The following PTPN9 variants were observed in gnomAD, a reference collection of about 807,000 sequenced individuals.
The protein encoded by PTPN9 is tyrosine-protein phosphatase non-receptor type 9.
In PTPN9, 26 loss-of-function variants were observed where a neutral mutation model predicts 69.8. The observed-to-expected ratio is 0.37, with a 90% CI of 0.27 to 0.52. The LOEUF is 0.52. PTPN9 is among the 20% of genes least tolerant of loss of function. The pLI, the probability that PTPN9 is intolerant of heterozygous loss-of-function variation, is 0.91. For missense variants in PTPN9, 549 were observed against 740.3 expected, an observed-to-expected ratio of 0.74 and a Z score of 3.00; for synonymous variants, 274 against 272.5, an observed-to-expected ratio of 1.01 and a Z score of -0.05.
intron 1 of PTPN9, among the ~76,000 whole-genome samples, chr15:75,570,545 G>A (rs1456436572): frequency 1.3e-5 from 2 of 152,018 alleles, no homozygotes; most frequent in Non-Finnish European, 2.9e-5. Flanking sequence ...CGAGGCAGGA[G>A]GATTGCTTGA....
intron 7 of PTPN9, 92 bp downstream of exon 7, chr15:75,505,583 T>G (rs2074814763): frequency 1.1e-6 from 1 of 932,160 alleles, no homozygotes; most frequent in Admixed American, 2.0e-5. Flanking sequence ...GAAGGGTCTC[T>G]GCTAAGCAAG....
At chr15:75,551,388 C>A (rs1231879654) in intron 1 of PTPN9, among the ~76,000 whole-genome samples, 3 of 152,188 alleles carry the variant, frequency 2.0e-5, no homozygotes, top group African/African-American at 7.2e-5. Context: ...CGGAGTCTCG[C>A]TCTGTCACCC....
rs1488265332 is a variant in PTPN9 at position 75,463,664 on chromosome 15, T to A, written c.*5105A>T. On this transcript the variant is annotated 3_prime_UTR_variant, in exon 13 of 13. Transcript: ENST00000618819. Reference sequence around the variant, plus strand: ...TTGTAACAGGTTTCAAGGTGCTAGATTTTTTTTCCCCCAAGAAAACATCTC... The same window carrying A: ...TTGTAACAGGTTTCAAGGTGCTAGAATTTTTTTCCCCCAAGAAAACATCTC... 6.6e-6 allele frequency: 1 copy of A among 152,048 alleles called. No homozygotes were observed. Among genetic ancestry groups the A allele is most frequent in the Non-Finnish European group, 1.5e-5 (1 of 68,014 alleles). The allele number at this position is 152,048 out of a possible 1,614,324, so 9.4% of individuals were successfully genotyped here.
intron 5 of PTPN9, among the ~76,000 whole-genome samples, chr15:75,515,220 G>A (rs1273471867): frequency 6.6e-6 from 1 of 151,866 alleles, no homozygotes; most frequent in Non-Finnish European, 1.5e-5. Context: ...AAGGTGAGGA[G>A]ATCGAGACCA....
At chr15:75,573,448 A>G (rs987894335) in intron 1 of PTPN9, among the ~76,000 whole-genome samples, 2 of 152,226 alleles carry the variant, frequency 1.3e-5, no homozygotes, top group African/African-American at 4.8e-5. Context: ...CAAAGTTACA[A>G]ATGAGGATTT....
intron 5 of PTPN9, among the ~76,000 whole-genome samples, chr15:75,509,818 T>C (rs1260229074): frequency 6.6e-6 from 1 of 152,046 alleles, no homozygotes; most frequent in Non-Finnish European, 1.5e-5. Context: ...ACCCCATCTC[T>C]ACTAAAAATA....
intron 1 of PTPN9, among the ~76,000 whole-genome samples, chr15:75,540,508 G>A (rs1386640881): frequency 1.4e-5 from 2 of 145,922 alleles, no homozygotes; most frequent in East Asian, 4.1e-4. Context: ...AGCTGAGATC[G>A]CACCAGCCTG....
At chr15:75,567,018 CTTTTTTTTT>C (rs1328027375) in intron 1 of PTPN9, among the ~76,000 whole-genome samples, 8 of 137,806 alleles carry the variant, frequency 5.8e-5, no homozygotes, top group Admixed American at 1.5e-4. Context: ...CATTTTTTTT[CTTTTTTTTT>C]TTTTTTCAGA....
chr15:75,505,900 A>C lies in PTPN9; in HGVS notation c.743T>G (p.Phe248Cys). 6.2e-7 allele frequency: 1 copy of C among 1,614,086 alleles called. No individual in the cohort carries two copies. Among genetic ancestry groups the C allele is most frequent in the Non-Finnish European group, 8.5e-7 (1 of 1,179,996 alleles). ...YVKIDLATWNFQFLPQVNGHP... is the reference protein window; with the variant it reads ...YVKIDLATWNCQFLPQVNGHP... ...GCCGTTCACCTGGGGTAGGAACTGG[A>C]AATTCCAAGTGGCGAGATCAATTTT... Residue 248 changes from phenylalanine (F) to cysteine (C), a missense_variant, in exon 7 of 13, where the codon TTC becomes TGC. Phe to Cys is a radical substitution (Grantham distance 205). Around this residue, in one of 3 missense-constraint regions of PTPN9, gnomAD observed 457 missense variants for 661.9 expected, o/e 0.69. Transcript: ENST00000618819.
chr15:75,555,720 G>C (rs1262906444), intron 1 of PTPN9, among the ~76,000 whole-genome samples: 2 of 151,898 alleles, frequency 1.3e-5, no homozygotes, highest in African/African-American at 4.8e-5. Flanking sequence ...GGCCAGGCTG[G>C]TCTCGAACTA....
chr15:75,569,174 C>T (rs1450176881), intron 1 of PTPN9, among the ~76,000 whole-genome samples: 1 of 152,086 alleles, frequency 6.6e-6, no homozygotes, highest in Non-Finnish European at 1.5e-5. Context: ...AGTGAAATGG[C>T]TGATATTACA....
chr15:75,528,321 A>G (rs1223740358), intron 1 of PTPN9, among the ~76,000 whole-genome samples: 3 of 151,886 alleles, frequency 2.0e-5, no homozygotes, highest in Non-Finnish European at 4.4e-5. Flanking sequence ...CATTATAACC[A>G]ATTTCCTTTT....
intron 8 of PTPN9, among the ~76,000 whole-genome samples, chr15:75,486,055 G>A (rs370649689): frequency 3.6e-5 from 5 of 139,378 alleles, no homozygotes; most frequent in East Asian, 4.4e-4. Flanking sequence ...AGCCGAGATC[G>A]CACCACTGCA....
chr15:75,473,888 T>C, intron 9 of PTPN9, 121 bp from the exon 10 acceptor site: 1 of 711,052 alleles, frequency 1.4e-6, no homozygotes, highest in South Asian at 1.7e-5. Context: ...TCCCTGCTCA[T>C]CTTTCCACAT....
intron 1 of PTPN9, among the ~76,000 whole-genome samples, chr15:75,566,898 G>A (rs1053803093): frequency 1.4e-4 from 21 of 152,222 alleles, no homozygotes; most frequent in African/African-American, 4.8e-4. Flanking sequence ...GCTGAAGTGG[G>A]AGCATCGCTT....
At chr15:75,562,602 C>T (rs1026654682) in intron 1 of PTPN9, among the ~76,000 whole-genome samples, 16 of 152,092 alleles carry the variant, frequency 1.1e-4, no homozygotes, top group African/African-American at 2.7e-4. Context: ...GAGGCCGAGG[C>T]GGGTGGATCA....
rs2074544900 is a variant in PTPN9, at chr15:75,468,138, C to T, written c.*631G>A. On this transcript the variant is annotated 3_prime_UTR_variant, in exon 13 of 13. Coordinates refer to ENST00000618819, the MANE Select transcript of PTPN9 (RefSeq NM_002833.4). ...CTGCAACACGGAGCCCCAGGAACTT[C>T]TGGAAAGGAGTATCGTGTGTATATG... The T allele has an allele frequency of 6.6e-6, 1 of 152,628 alleles. No homozygotes were observed. The highest frequency in any genetic ancestry group is 2.4e-5 in the African/African-American group (1 of 41,416). 9.5% of individuals were successfully genotyped at this position (152,628 alleles called of 1,614,324 possible). A position where few individuals can be genotyped will look rare whatever the true frequency, so the allele number is the denominator to read the frequency against.
intron 4 of PTPN9, 71 bp from the exon 5 acceptor site, chr15:75,517,435 C>T: frequency 8.0e-7 from 1 of 1,242,418 alleles, no homozygotes; most frequent in Non-Finnish European, 1.2e-6. Flanking sequence ...AAGCCTAATG[C>T]CAAAACAAAA....
chr15:75,549,010 G>A (rs1004178253), intron 1 of PTPN9, among the ~76,000 whole-genome samples: 3 of 151,874 alleles, frequency 2.0e-5, no homozygotes, highest in Non-Finnish European at 4.4e-5. Flanking sequence ...CAAGGCTGGA[G>A]TGCAGTGGGG....
Sources: allele counts gnomAD v4.1 joint callset (sites outside exome capture counted in the v4.1 genomes callset), GRCh38; gene constraint gnomAD v4.1.1; regional missense constraint gnomAD v4.1.1; transcripts MANE v1.5; gene names NCBI Gene and HGNC (gene_info 2026-07-23, HGNC 2026-07-21).